The following PMVK variants were observed in gnomAD, a reference collection of about 807,000 sequenced individuals.
PMVK encodes testis tissue sperm-binding protein Li 95mP.
PMVK carries 10 observed loss-of-function variants against 19.0 expected under a neutral mutation model. The ratio of observed to expected loss-of-function variants is 0.53; its 90% CI spans 0.32 to 0.89. PMVK has a LOEUF of 0.89. Among genes scored for constraint, PMVK ranks in the 40% least tolerant of loss-of-function variants. PMVK has a pLI of 0.03. For missense variants in PMVK, 222 were observed against 251.1 expected (o/e 0.88, Z 0.78); for synonymous variants, 108 against 101.6 (o/e 1.06, Z -0.38).
At chr1:154,927,905 T>C (rs1411778004) in intron 3 of PMVK, among the ~76,000 whole-genome samples, 1 of 148,488 alleles carries the variant, frequency 6.7e-6, no homozygotes, top group African/African-American at 2.6e-5. Flanking sequence ...CTACTTTATT[T>C]TACTCCTTAG....
chr1:154,929,195 G>A lies in PMVK; in HGVS notation c.160-19C>T, dbSNP rs368569303. On this transcript the variant is annotated intron_variant, in intron 2 of 4. Transcript: ENST00000368467. ...CATGCTCCTGCCCAAAGGACATTAT[G>A]TCTACGTCACCGGCCTTTCAACCTC... The A allele has an allele frequency of 2.5e-6, 4 of 1,613,194 alleles. No individual in the cohort carries two copies. Among genetic ancestry groups the A allele is most frequent in the Middle Eastern group, 3.3e-4 (2 of 6,056 alleles).
chr1:154,930,400 G>A (rs962851490), intron 2 of PMVK, among the ~76,000 whole-genome samples: 15 of 152,230 alleles, frequency 9.9e-5, no homozygotes, highest in African/African-American at 3.1e-4. Context: ...GGTGGAGGTT[G>A]CAGTGAGCCA....
At position 154,925,255 on chromosome 1, in the gene PMVK, A is replaced by G. The variant is rs2101964622; in HGVS notation, c.453T>C (p.Asp151=). ...RGWVFTPGVD[D]AESECGLDNF... Reference sequence around the variant, plus strand: ...TGTCCAGGCCACATTCTGACTCAGCATCGTCCACCCCTATGAAGGAAGCAT... The same window carrying G: ...TGTCCAGGCCACATTCTGACTCAGCGTCGTCCACCCCTATGAAGGAAGCAT... The change falls in exon 5 of 5, where the codon GAT becomes GAC. Residue 151 remains aspartate, a synonymous_variant. Coordinates refer to ENST00000368467, the MANE Select transcript of PMVK (RefSeq NM_006556.4). 6.2e-7 allele frequency: 1 copy of G among 1,614,162 alleles called. No homozygotes were observed.
chr1:154,936,529 G>C, intron 1 of PMVK, 62 bp downstream of exon 1: 3 of 1,548,346 alleles, frequency 1.9e-6, no homozygotes, highest in Non-Finnish European at 2.6e-6. Flanking sequence ...ACACCCAAAA[G>C]CACTCCTCGT....
chr1:154,926,571 G>T, intron 3 of PMVK, 88 bp from the exon 4 acceptor site: 2 of 1,206,324 alleles, frequency 1.7e-6, no homozygotes, highest in Non-Finnish European at 2.4e-6. Context: ...AGGGCAGTGT[G>T]GGGTGTGGCT....
At chr1:154,935,616 C>A (rs893023419) in intron 1 of PMVK, among the ~76,000 whole-genome samples, 1 of 152,190 alleles carries the variant, frequency 6.6e-6, no homozygotes, top group Non-Finnish European at 1.5e-5. Flanking sequence ...TCATGAACCA[C>A]AAAGCTGAAT....
chr1:154,925,264 C>A lies in PMVK; in HGVS notation c.444G>T (p.Gly148=). ...CACATTCTGACTCAGCATCGTCCAC[C>A]CCTATGAAGGAAGCATGGTGAGGTC... ...RQQRGWVFTP[G]VDDAESECGL... The change falls in exon 5 of 5, where the codon GGG becomes GGT. Residue 148 remains glycine (G), a splice_region_variant and synonymous_variant. Coordinates refer to ENST00000368467, the MANE Select transcript of PMVK (RefSeq NM_006556.4). 6.2e-7 allele frequency: 1 copy of A among 1,614,162 alleles called. No homozygotes were observed. Among genetic ancestry groups the A allele is most frequent in the Non-Finnish European group, 8.5e-7 (1 of 1,179,998 alleles).
At chr1:154,940,069 G>A (rs1234330762), upstream of PMVK, among the ~76,000 whole-genome samples, 2 of 151,992 alleles carry the variant, frequency 1.3e-5, no homozygotes, top group Admixed American at 6.5e-5. Flanking sequence ...GAGCCACAGC[G>A]CCCAGCCAGC....
upstream of PMVK, chr1:154,936,728 C>CT (rs1480034125): frequency 7.2e-6 from 11 of 1,522,506 alleles, no homozygotes; most frequent in Non-Finnish European, 9.0e-6. Context: ...ACACTTCTCC[C>CT]TACCCCTAAA....
upstream of PMVK, among the ~76,000 whole-genome samples, chr1:154,940,745 C>T (rs896329762): frequency 9.8e-5 from 15 of 152,296 alleles, no homozygotes; most frequent in African/African-American, 3.4e-4. Context: ...AGCCTCGGGG[C>T]AAGGATTGGG....
At chr1:154,935,791 G>C (rs368066623) in intron 1 of PMVK, among the ~76,000 whole-genome samples, 19 of 152,318 alleles carry the variant, frequency 1.2e-4, no homozygotes, top group African/African-American at 2.4e-4. Flanking sequence ...CCAGGTTCAA[G>C]CGATCCTCCC....
At chr1:154,939,704 C>CA (rs79939253), upstream of PMVK, among the ~76,000 whole-genome samples, 445 of 117,524 alleles carry the variant, frequency 3.8e-3, 2 homozygotes, top group South Asian at 0.012. Flanking sequence ...GACTCCATCT[C>CA]AAAAAAAAAA....
intron 3 of PMVK, among the ~76,000 whole-genome samples, chr1:154,927,223 G>A (rs1654191375): frequency 6.6e-6 from 1 of 151,908 alleles, no homozygotes; most frequent in Admixed American, 6.6e-5. Flanking sequence ...GGCCGAGGTG[G>A]GTGGTTCACT....
chr1:154,926,308 G>A (rs1446932265), intron 4 of PMVK, 46 bp downstream of exon 4: 20 of 1,580,452 alleles, frequency 1.3e-5, no homozygotes, highest in Non-Finnish European at 1.6e-5. Flanking sequence ...AAACCACAGG[G>A]TGGGTAGCCT....
intron 2 of PMVK, among the ~76,000 whole-genome samples, chr1:154,930,555 G>A (rs1001010683): frequency 1.0e-4 from 13 of 125,938 alleles, no homozygotes; most frequent in Admixed American, 9.3e-4. Flanking sequence ...CACTCAGTAG[G>A]ACAGAAGCAA....
rs1384237899 is a variant in PMVK, at chr1:154,936,624, C to A, written c.62G>T (p.Gly21Val). ...VLLFSGKRKS[G>V]KDFVTEALQS... ...CAGCGCCTCGGTCACGAAGTCCTTC[C>A]CGGATTTCCTCTTGCCGCTGAACAG... The change falls in exon 1 of 5, where the codon GGG (glycine) becomes GTG (valine). Residue 21 changes from glycine (G) to valine (V), a missense_variant. Transcript: ENST00000368467. 19 of 1,609,172 alleles carry A rather than the reference C, an allele frequency of 1.2e-5. No homozygotes were observed. The highest frequency in any genetic ancestry group is 1.6e-5 in the Non-Finnish European group (19 of 1,178,174).
chr1:154,936,588 C>T lies in PMVK; in HGVS notation c.95+3G>A, dbSNP rs1244704921. 4 of 1,598,432 alleles carry T rather than the reference C, an allele frequency of 2.5e-6. No homozygotes were observed. Among genetic ancestry groups the T allele is most frequent in the Non-Finnish European group, 3.4e-6 (4 of 1,172,678 alleles). On this transcript the variant is annotated splice_donor_region_variant and intron_variant, in intron 1 of 4. Coordinates refer to ENST00000368467, the MANE Select transcript of PMVK (RefSeq NM_006556.4). ...CCTTCCACCTTTCCCGCCTCACGGA[C>T]ACCTGCTCTGCAGCGCCTCGGTCAC...
In PMVK at chr1:154,936,585, G is replaced by C. The variant is rs1299162016; in HGVS notation, c.95+6C>G. ...CCCCCTTCCACCTTTCCCGCCTCAC[G>C]GACACCTGCTCTGCAGCGCCTCGGT... On this transcript the variant is annotated splice_donor_region_variant and intron_variant, in intron 1 of 4. Coordinates refer to ENST00000368467, the MANE Select transcript of PMVK (RefSeq NM_006556.4). The C allele has an allele frequency of 1.3e-6, 2 of 1,596,826 alleles. No homozygotes were observed. Among genetic ancestry groups the C allele is most frequent in the South Asian group, 1.1e-5 (1 of 88,096 alleles).
At chr1:154,942,009 G>T in the PMVK span, among the ~76,000 whole-genome samples, 1 of 152,172 alleles carries the variant, frequency 6.6e-6, no homozygotes, top group Non-Finnish European at 1.5e-5. Context: ...ACCAGGAAAT[G>T]AGTTTTTGGG....
Sources: gnomAD v4.1 joint callset for allele counts (sites outside exome capture counted in the v4.1 genomes callset) on GRCh38, gnomAD v4.1.1 for gene constraint, MANE v1.5 for transcripts, NCBI Gene and HGNC (gene_info 2026-07-23, HGNC 2026-07-21) for gene names.